Variants in MGST1 observed in about 807,000 individuals in gnomAD.
MGST1 encodes microsomal glutathione S-transferase 1.
A neutral mutation model predicts 8.9 loss-of-function variants in MGST1; 5 were observed. The observed-to-expected ratio is 0.56, with a 90% CI of 0.29 to 1.19. The LOEUF (loss-of-function observed/expected upper bound fraction) is 1.19. MGST1 is among the 50% of genes most tolerant of loss of function. The probability of loss-of-function intolerance (pLI) is 0.08; values close to 1 mark genes in which losing one functional copy is unlikely to be tolerated. For synonymous variants in MGST1, 54 were observed against 67.8 expected (o/e 0.80, Z 1.00); for missense variants, 182 against 187.4 (o/e 0.97, Z 0.17).
At chr12:16,357,912 T>C (rs1489284430) in intron 3 of MGST1, among the ~76,000 whole-genome samples, 4 of 152,222 alleles carry the variant, frequency 2.6e-5, no homozygotes, top group Non-Finnish European at 4.4e-5. Flanking sequence ...ATGTGTACTT[T>C]CTTGGGGTTA....
At chr12:16,464,593 C>A (rs962540027) in intron 4 of MGST1, among the ~76,000 whole-genome samples, 6 of 152,206 alleles carry the variant, frequency 3.9e-5, no homozygotes, top group African/African-American at 4.8e-5. Context: ...CTTTTAGAAC[C>A]ATGTAGTAGT....
chr12:16,492,319 G>A (rs559560713), intron 4 of MGST1, among the ~76,000 whole-genome samples: 3 of 152,104 alleles, frequency 2.0e-5, no homozygotes, highest in African/African-American at 7.2e-5. Context: ...TGTATCTGGG[G>A]AGCACTGTCA....
chr12:16,509,549 T>C (rs555918965), intron 4 of MGST1, among the ~76,000 whole-genome samples: 35 of 152,104 alleles, frequency 2.3e-4, no homozygotes, highest in Admixed American at 9.2e-4. Flanking sequence ...GAGATAGATG[T>C]GTAAACTGGG....
chr12:16,392,649 A>G (rs1054293314), intron 1 of MGST1, among the ~76,000 whole-genome samples: 1 of 152,132 alleles, frequency 6.6e-6, no homozygotes. Context: ...TTATAGTCTT[A>G]TAGTCATTTT....
intron 3 of MGST1, among the ~76,000 whole-genome samples, chr12:16,374,851 G>A (rs1170492415): frequency 1.3e-5 from 2 of 152,142 alleles, no homozygotes; most frequent in African/African-American, 4.8e-5. Context: ...ATGTGTGTGA[G>A]TGTGTATTTG....
At chr12:16,366,934 G>A (rs1460255191), downstream of MGST1, among the ~76,000 whole-genome samples, 2 of 152,084 alleles carry the variant, frequency 1.3e-5, no homozygotes, top group South Asian at 4.1e-4. The surrounding 1 kb of genome is among the most constrained non-coding windows in gnomAD (Gnocchi z 4.0). Context: ...TTGGAGAGGG[G>A]TAGATTTTAC....
In MGST1 at chr12:16,468,928, C is replaced by G. The variant is rs1375470007; in HGVS notation, n.482+85324C>G. 3.3e-5 allele frequency among the ~76,000 whole-genome samples: 5 copies of G among 152,176 alleles called. No individual in the cohort carries two copies. The East Asian group carries it at 9.6e-4, about 29-fold the overall frequency. ...CTGTCCTCTGCTTCTTTCACCTTTT[C>G]AGGTGTAGTGATCATCCAGCGTCAT... On this transcript the variant is annotated intron_variant and non_coding_transcript_variant, in intron 4 of 4. Transcript: ENST00000538857.
intron 4 of MGST1, among the ~76,000 whole-genome samples, chr12:16,564,759 T>C (rs1942531640): frequency 6.6e-6 from 1 of 152,176 alleles, no homozygotes; most frequent in Non-Finnish European, 1.5e-5. Context: ...AGTCAAGCAA[T>C]CCTCATTTAA....
Position 16,444,221 on chromosome 12 carries a change from G to A in MGST1, n.482+60617G>A, listed in dbSNP as rs1159897981. Among the ~76,000 whole-genome samples, 4 of 119,444 alleles carry A rather than the reference G, an allele frequency of 3.3e-5. No homozygotes were observed. In the Admixed American group the frequency reaches 4.2e-4, roughly 12 times the overall value. The allele number at this position is 119,444 out of a possible 152,430, so 78.4% of individuals were successfully genotyped here. A position where few individuals can be genotyped will look rare whatever the true frequency, so the allele number is the denominator to read the frequency against. On this transcript the variant is annotated intron_variant and non_coding_transcript_variant, in intron 4 of 4. Coordinates refer to the MGST1 transcript ENST00000538857. ...TTTTTTTTGTCTACTTGGATTTTTAGTGCACCTTCCATGGCTGGAGGCTTC... is the reference window on the plus strand; with the variant it reads ...TTTTTTTTGTCTACTTGGATTTTTAATGCACCTTCCATGGCTGGAGGCTTC...
Position 16,560,574 on chromosome 12 carries a change from C to A in MGST1, n.483-28954C>A. On this transcript the variant is annotated intron_variant and non_coding_transcript_variant, in intron 4 of 4. Coordinates refer to the MGST1 transcript ENST00000538857. The surrounding 1 kb of genome is among the most constrained non-coding windows in gnomAD (Gnocchi z 5.0). ...AAACATTTTTTTTTTTTTACAAACTCTTACAGAGAAATCTGAGATCGTGAA... is the reference window on the plus strand; with the variant it reads ...AAACATTTTTTTTTTTTTACAAACTATTACAGAGAAATCTGAGATCGTGAA... 1 of 1,580,968 alleles carries A rather than the reference C, an allele frequency of 6.3e-7. No homozygotes were observed. Among genetic ancestry groups the A allele is most frequent in the Non-Finnish European group, 8.6e-7 (1 of 1,157,464 alleles).
chr12:16,365,430 T>A (rs991675270), downstream of MGST1, among the ~76,000 whole-genome samples: 12 of 152,342 alleles, frequency 7.9e-5, no homozygotes, highest in Admixed American at 6.5e-4. Context: ...AACAGTACTT[T>A]TAATGACATT....
intron 4 of MGST1, among the ~76,000 whole-genome samples, chr12:16,459,154 T>A (rs1941201219): frequency 6.6e-6 from 1 of 151,076 alleles, no homozygotes; most frequent in Non-Finnish European, 1.5e-5. Context: ...ATTTAATCAG[T>A]TATTATTTGG....
At chr12:16,566,035 TA>T (rs1942596322) in intron 4 of MGST1, among the ~76,000 whole-genome samples, 1 of 85,748 alleles carries the variant, frequency 1.2e-5, no homozygotes, top group African/African-American at 4.5e-5. Flanking sequence ...TATATATATA[TA>T]TATAAAATGG....
chr12:16,523,744 G>A (rs1941663797), intron 4 of MGST1, among the ~76,000 whole-genome samples: 1 of 152,046 alleles, frequency 6.6e-6, no homozygotes, highest in Non-Finnish European at 1.5e-5. Flanking sequence ...ATCAAGACTG[G>A]AAACTTAGTT....
chr12:16,397,307 C>A (rs894200431), intron 1 of MGST1, among the ~76,000 whole-genome samples: 4 of 152,120 alleles, frequency 2.6e-5, no homozygotes, highest in African/African-American at 9.7e-5. Flanking sequence ...AAATCTAAGA[C>A]CTGAAAGTAT....
chr12:16,376,006 A>T, intron 3 of MGST1: 1 of 592,754 alleles, frequency 1.7e-6, no homozygotes. Flanking sequence ...ACACCCACAC[A>T]CCTATATGTA....
rs1941625035 is a variant in MGST1 at position 16,517,882 on chromosome 12, A to G, written n.483-71646A>G. ...ACATAGGTCCCTAAGTTCTTGATTA[A>G]TGTACATTTAGCCTTAAAGAGATGC... is the stretch of plus-strand genomic sequence containing the variant. On this transcript the variant is annotated intron_variant and non_coding_transcript_variant, in intron 4 of 4. Coordinates refer to the MGST1 transcript ENST00000538857. This position sits in a 1 kb window ranked among gnomAD's most constrained non-coding sequence, Gnocchi z 4.2. 6.6e-6 allele frequency among the ~76,000 whole-genome samples: 1 copy of G among 152,200 alleles called. No individual in the cohort carries two copies. The highest frequency in any genetic ancestry group is 2.1e-4 in the South Asian group (1 of 4,822).
chr12:16,386,267 G>A lies in MGST1; in HGVS notation n.778+2663G>A, dbSNP rs958446775. ...TGTGACTTTTCTTTTGGACATCAGTGCTGTACACGCGGCAAGTTATTTCTA... is the reference window on the plus strand; with the variant it reads ...TGTGACTTTTCTTTTGGACATCAGTACTGTACACGCGGCAAGTTATTTCTA... On this transcript the variant is annotated intron_variant and non_coding_transcript_variant, in intron 1 of 1. Coordinates refer to the MGST1 transcript ENST00000359720. Among the ~76,000 whole-genome samples, 2 of 152,272 alleles carry A rather than the reference G, an allele frequency of 1.3e-5. 1 individual carries two copies. Among genetic ancestry groups the A allele is most frequent in the South Asian group, 4.1e-4 (2 of 4,822 alleles).
At chr12:16,441,655 G>A (rs1319933780), downstream of MGST1, among the ~76,000 whole-genome samples, 3 of 151,564 alleles carry the variant, frequency 2.0e-5, no homozygotes, top group Admixed American at 2.0e-4. Context: ...GTCTTTTCAT[G>A]GCTTGAATAG....
Sources: gnomAD v4.1 joint callset for allele counts (sites outside exome capture counted in the v4.1 genomes callset) on GRCh38, gnomAD v4.1.1 for gene constraint, Gnocchi (gnomAD v3.1) non-coding constraint, MANE v1.5 for transcripts, NCBI Gene and HGNC (gene_info 2026-07-23, HGNC 2026-07-21) for gene names.